Variants in CAMK1D observed in about 807,000 individuals in gnomAD.
CAMK1D encodes the protein calcium/calmodulin-dependent protein kinase type 1D.
In CAMK1D, 9 loss-of-function variants were observed where a neutral mutation model predicts 47.7. That is an observed-to-expected ratio of 0.19 (90% CI 0.11 to 0.33). CAMK1D has a LOEUF of 0.33. Ranked by LOEUF, CAMK1D falls within the 10% of genes least tolerant of loss-of-function variation. The pLI is 1.00. For synonymous variants in CAMK1D, 184 were observed against 184.9 expected (o/e 0.99, Z 0.04); for missense variants, 291 against 488.7 (o/e 0.60, Z 3.81).
chr10:12,587,531 T>C (rs1018964979), intron 2 of CAMK1D, among the ~76,000 whole-genome samples: 7 of 139,894 alleles, frequency 5.0e-5, no homozygotes, highest in Admixed American at 2.4e-4. Flanking sequence ...TCTCTGGGAC[T>C]GGGGTCCAGA....
chr10:12,359,893 C>G (rs577402515), intron 1 of CAMK1D, among the ~76,000 whole-genome samples: 2 of 151,896 alleles, frequency 1.3e-5, no homozygotes, highest in Non-Finnish European at 2.9e-5. Flanking sequence ...TTTAAAATAC[C>G]CTTTTGGGGG....
intron 1 of CAMK1D, among the ~76,000 whole-genome samples, chr10:12,452,945 T>A (rs567193184): frequency 6.6e-6 from 1 of 152,024 alleles, no homozygotes; most frequent in Admixed American, 6.6e-5. Context: ...CCACCATCCA[T>A]CTCCAGAACT....
At chr10:12,406,041 G>C (rs74691500) in intron 1 of CAMK1D, among the ~76,000 whole-genome samples, 1,543 of 152,232 alleles carry the variant, frequency 0.01, 24 homozygotes, top group African/African-American at 0.034. Context: ...ATTTCTTGTC[G>C]CGTGTAGGAT....
intron 3 of CAMK1D, among the ~76,000 whole-genome samples, chr10:12,756,845 G>A (rs983258964): frequency 7.9e-5 from 12 of 152,196 alleles, no homozygotes; most frequent in African/African-American, 1.4e-4. Flanking sequence ...GGAGAATGGC[G>A]TGAACCCAGG....
intron 1 of CAMK1D, among the ~76,000 whole-genome samples, chr10:12,416,320 A>G (rs1358986664): frequency 1.3e-5 from 2 of 152,232 alleles, no homozygotes; most frequent in African/African-American, 4.8e-5. Context: ...TGCCATTTGC[A>G]TTTGCTGAGA....
chr10:12,583,146 A>G (rs1402188279), intron 2 of CAMK1D, among the ~76,000 whole-genome samples: 1 of 152,152 alleles, frequency 6.6e-6, no homozygotes, highest in Non-Finnish European at 1.5e-5. Flanking sequence ...GGGGAAGATT[A>G]TCTAGTATTG....
chr10:12,619,389 C>G (rs1838921283), intron 2 of CAMK1D, among the ~76,000 whole-genome samples: 1 of 151,878 alleles, frequency 6.6e-6, no homozygotes, highest in African/African-American at 2.4e-5. Context: ...CTGATGGTCT[C>G]AAGTAATTCT....
intron 3 of CAMK1D, among the ~76,000 whole-genome samples, chr10:12,756,404 A>G (rs1160130772): frequency 6.6e-6 from 1 of 152,276 alleles, no homozygotes; most frequent in Non-Finnish European, 1.5e-5. Context: ...GCATTGCAGT[A>G]TACCACTGTG....
intron 6 of CAMK1D, among the ~76,000 whole-genome samples, chr10:12,801,356 ATCTATCTATCTATCTATCT>A (rs1838459405): frequency 6.0e-5 from 5 of 83,806 alleles, no homozygotes; most frequent in African/African-American, 2.3e-4. Flanking sequence ...TATCTATCTT[ATCTATCTATCTATCTATCT>A]ATCTATCTAT....
At chr10:12,825,408 C>T (rs1223515715) in intron 9 of CAMK1D, among the ~76,000 whole-genome samples, 165 bp from the exon 10 acceptor site, 1 of 152,034 alleles carries the variant, frequency 6.6e-6, no homozygotes, top group Non-Finnish European at 1.5e-5. Flanking sequence ...TAAATCAGTG[C>T]ACTTTTAGAA....
Position 12,527,507 on chromosome 10 carries a change from A to C in CAMK1D, c.93-25718A>C, listed in dbSNP as rs529052876. Among the ~76,000 whole-genome samples, 5 of 152,078 alleles carry C rather than the reference A, an allele frequency of 3.3e-5. No homozygotes were observed. In the East Asian group the frequency reaches 9.7e-4, roughly 29 times the overall value. ...GTAACTGGGACTATAGGCATGCGCC[A>C]CCACGCCCGGCTAATTTTTTTTTGT... On this transcript the variant is annotated intron_variant, in intron 1 of 10. Transcript: ENST00000619168.
intron 1 of CAMK1D, among the ~76,000 whole-genome samples, chr10:12,498,216 GA>G (rs1459395624): frequency 3.3e-5 from 5 of 152,244 alleles, no homozygotes; most frequent in Non-Finnish European, 7.3e-5. Context: ...GGAAACAGAT[GA>G]AGGAAGAATG....
chr10:12,734,419 C>T (rs1191918587), intron 3 of CAMK1D, among the ~76,000 whole-genome samples: 1 of 11,388 alleles, frequency 8.8e-5, no homozygotes, highest in African/African-American at 1.4e-4. Flanking sequence ...CACACACACA[C>T]ATGTATATAT....
At chr10:12,747,275 C>A (rs1385874477) in intron 3 of CAMK1D, among the ~76,000 whole-genome samples, 4 of 152,072 alleles carry the variant, frequency 2.6e-5, no homozygotes, top group Non-Finnish European at 5.9e-5. Context: ...CATGTTCCAC[C>A]CGCCTCAGCC....
intron 6 of CAMK1D, among the ~76,000 whole-genome samples, chr10:12,803,657 A>T (rs992652553): frequency 6.6e-6 from 1 of 151,760 alleles, no homozygotes; most frequent in Non-Finnish European, 1.5e-5. Context: ...TCCATCTCAA[A>T]AATAATAATA....
At chr10:12,731,792 G>A (rs1834897357) in intron 3 of CAMK1D, among the ~76,000 whole-genome samples, 1 of 152,108 alleles carries the variant, frequency 6.6e-6, no homozygotes, top group Non-Finnish European at 1.5e-5. Context: ...TAGAAGGAGT[G>A]GGCTGGAAAG....
At chr10:12,528,078 C>T (rs997825503) in intron 1 of CAMK1D, among the ~76,000 whole-genome samples, 2 of 152,202 alleles carry the variant, frequency 1.3e-5, no homozygotes, top group East Asian at 1.9e-4. Context: ...CCCATTTAAT[C>T]ATTGCAATAA....
intron 2 of CAMK1D, among the ~76,000 whole-genome samples, chr10:12,582,021 G>A (rs950343331): frequency 1.3e-5 from 2 of 152,074 alleles, no homozygotes; most frequent in Non-Finnish European, 1.5e-5. Flanking sequence ...TATGGTTTCA[G>A]GTCTTAGATG....
chr10:12,443,592 G>A (rs1832846052), intron 1 of CAMK1D, among the ~76,000 whole-genome samples: 1 of 152,154 alleles, frequency 6.6e-6, no homozygotes, highest in Non-Finnish European at 1.5e-5. Flanking sequence ...CTATTCCATA[G>A]AGCAGCCCTG....
Sources: gnomAD v4.1 joint callset for allele counts (sites outside exome capture counted in the v4.1 genomes callset) on GRCh38, gnomAD v4.1.1 for gene constraint, MANE v1.5 for transcripts, NCBI Gene and HGNC (gene_info 2026-07-23, HGNC 2026-07-21) for gene names.